The following TECTA variants were observed in gnomAD, a reference collection of about 807,000 sequenced individuals.
TECTA encodes the protein alpha-tectorin.
In TECTA, 128 loss-of-function variants were observed where a neutral mutation model predicts 216.8. The ratio of observed to expected loss-of-function variants is 0.59; its 90% CI spans 0.51 to 0.68. The LOEUF (loss-of-function observed/expected upper bound fraction) is 0.68. Among genes scored for constraint, TECTA ranks in the 30% least tolerant of loss-of-function variants. The pLI, the probability that TECTA is intolerant of heterozygous loss-of-function variation, is 0.00. For synonymous variants in TECTA, 1,089 were observed against 1,117.1 expected (o/e 0.97, Z 0.50); for missense variants, 2,551 against 2,786.2 (o/e 0.92, Z 1.90).
intron 10 of TECTA, among the ~76,000 whole-genome samples, chr11:121,133,936 A>G (rs995577841): frequency 3.3e-5 from 5 of 152,126 alleles, no homozygotes; most frequent in Admixed American, 6.5e-5. Context: ...CTGTCTGTCT[A>G]TCGGTCATCT....
chr11:121,115,567 G>GATC (rs1946493972), intron 6 of TECTA, among the ~76,000 whole-genome samples: 1 of 152,198 alleles, frequency 6.6e-6, no homozygotes, highest in Admixed American at 6.5e-5. Flanking sequence ...TATCCCCTCA[G>GATC]ATAGAAGCTT....
rs1429571980 is a variant in TECTA at position 121,113,599 on chromosome 11, G to C, written c.671G>C (p.Gly224Ala). 1 of 1,613,642 alleles carries C rather than the reference G, an allele frequency of 6.2e-7. No individual in the cohort carries two copies. Among genetic ancestry groups the C allele is most frequent in the Non-Finnish European group, 8.5e-7 (1 of 1,179,984 alleles). Residue 224 changes from glycine to alanine, a missense_variant, in exon 6 of 24, where the codon GGG becomes GCG. Transcript: ENST00000392793. The surrounding 1 kb of genome is among the most constrained non-coding windows in gnomAD (Gnocchi z 4.2). ...GNLTNFFSLP[G>A]SRTPEIVNIQ... is the part of the protein sequence containing the mutation. ...CTCACCAATTTCTTCAGCCTCCCGGGGTCAAGAACCCCCGAGATCGTGAAT... is the reference window on the plus strand; with the variant it reads ...CTCACCAATTTCTTCAGCCTCCCGGCGTCAAGAACCCCCGAGATCGTGAAT...
chr11:121,149,069 T>A (rs774205099), intron 12 of TECTA, among the ~76,000 whole-genome samples: 4 of 152,256 alleles, frequency 2.6e-5, no homozygotes, highest in Non-Finnish European at 5.9e-5. Context: ...TGGGGACTCA[T>A]GCATTTACTT....
chr11:121,162,015 G>A (rs948917614), intron 15 of TECTA, 60 bp from the exon 16 acceptor site: 4 of 1,608,338 alleles, frequency 2.5e-6, no homozygotes, highest in Non-Finnish European at 2.5e-6. Flanking sequence ...AGGTACAGAT[G>A]CAATTTACCT....
intron 20 of TECTA, among the ~76,000 whole-genome samples, chr11:121,179,470 A>G (rs1285845751): frequency 6.6e-6 from 1 of 152,142 alleles, no homozygotes; most frequent in Non-Finnish European, 1.5e-5. Context: ...CTATCTTGGA[A>G]AATATTCTGT....
intron 4 of TECTA, among the ~76,000 whole-genome samples, chr11:121,112,435 G>T (rs554062623): frequency 6.6e-6 from 1 of 152,202 alleles, no homozygotes; most frequent in Non-Finnish European, 1.5e-5. Context: ...CCGTCTTAGC[G>T]TTGGTCTGGG....
chr11:121,144,265 C>A (rs764423813), intron 11 of TECTA, among the ~76,000 whole-genome samples: 1 of 152,266 alleles, frequency 6.6e-6, no homozygotes, highest in South Asian at 2.1e-4. Context: ...AGAGGGCTTT[C>A]AGTATTGGAT....
chr11:121,149,311 G>A (rs1171594076), intron 12 of TECTA, among the ~76,000 whole-genome samples: 1 of 152,186 alleles, frequency 6.6e-6, no homozygotes, highest in Non-Finnish European at 1.5e-5. Context: ...CCTTTTATTG[G>A]AGGCAGCTGC....
At chr11:121,130,358 TCCCA>T in intron 10 of TECTA, 147 bp downstream of exon 10, 1 of 930,960 alleles carries the variant, frequency 1.1e-6, no homozygotes, top group Non-Finnish European at 1.6e-6. Context: ...TGATGTGTCC[TCCCA>T]AAGACTCATC....
chr11:121,168,358 C>T, intron 19 of TECTA, 141 bp downstream of exon 19: 1 of 1,151,456 alleles, frequency 8.7e-7, no homozygotes, highest in Non-Finnish European at 1.3e-6. Context: ...TGCTTTCAAC[C>T]AACATTGTTC....
At chr11:121,141,621 T>G (rs1176943054) in intron 11 of TECTA, among the ~76,000 whole-genome samples, 1 of 152,190 alleles carries the variant, frequency 6.6e-6, no homozygotes, top group Non-Finnish European at 1.5e-5. Context: ...CCCTCAGGCT[T>G]CATCGCAGCC....
chr11:121,103,323 G>A (rs549357413), intron 2 of TECTA, among the ~76,000 whole-genome samples: 74 of 152,236 alleles, frequency 4.9e-4, no homozygotes, highest in Middle Eastern at 3.4e-3. Context: ...GACAAAGACG[G>A]GGCGGTCTAC....
chr11:121,149,108 A>C (rs979912281), intron 12 of TECTA, among the ~76,000 whole-genome samples: 3 of 152,166 alleles, frequency 2.0e-5, no homozygotes, highest in African/African-American at 7.2e-5. Context: ...GGTAGGTACT[A>C]CTCATAGTCC....
At chr11:121,134,082 G>C (rs1239214831) in intron 10 of TECTA, among the ~76,000 whole-genome samples, 1 of 152,100 alleles carries the variant, frequency 6.6e-6, no homozygotes, top group East Asian at 1.9e-4. Flanking sequence ...GCTGGCTCCT[G>C]TGTCCCTTCA....
intron 20 of TECTA, among the ~76,000 whole-genome samples, chr11:121,175,121 G>T (rs962707344): frequency 6.6e-6 from 1 of 151,734 alleles, no homozygotes; most frequent in Non-Finnish European, 1.5e-5. Flanking sequence ...TATCAATTTT[G>T]TTGATCCTTT....
chr11:121,125,483 G>A lies in TECTA; in HGVS notation c.1385G>A (p.Gly462Glu). 1.2e-6 allele frequency: 2 copies of A among 1,614,202 alleles called. No homozygotes were observed. Among genetic ancestry groups the A allele is most frequent in the Non-Finnish European group, 1.7e-6 (2 of 1,180,052 alleles). ...ATAAACTCCACCTGTGGACTCTGTG[G>A]AAACTATAATAAAAACCCACTGGAT... ...SYINSTCGLC[G>E]NYNKNPLDDF... Residue 462 changes from glycine to glutamate, a missense_variant, in exon 8 of 24, where the codon GGA becomes GAA. This residue lies in a region of TECTA where 2,375 missense variants were observed against 2,563.9 expected (regional missense o/e 0.93). Transcript: ENST00000392793.
At chr11:121,159,857 A>G (rs771996679) in intron 14 of TECTA, among the ~76,000 whole-genome samples, 49 of 152,228 alleles carry the variant, frequency 3.2e-4, no homozygotes, top group Admixed American at 1.5e-3. Flanking sequence ...TGGGGCAACT[A>G]CACAGTAAGA....
rs1947240803 is a variant in TECTA, at chr11:121,182,590, CA to C, written c.6000-5240del. Among the ~76,000 whole-genome samples the C allele has an allele frequency of 2.0e-5, 3 of 152,160 alleles. No homozygotes were observed. In the South Asian group the frequency reaches 6.2e-4, roughly 32 times the overall value. ...GTGAGCACAGGGGTGGGCTGATCCCCAAGCCCCCGATGGTGCATGTGAGCAC... is the reference window on the plus strand; with the variant it reads ...GTGAGCACAGGGGTGGGCTGATCCCCAGCCCCCGATGGTGCATGTGAGCAC... On this transcript the variant is annotated intron_variant, in intron 20 of 23. Transcript: ENST00000392793.
At chr11:121,172,722 T>A (rs939091374) in intron 20 of TECTA, among the ~76,000 whole-genome samples, 1 of 152,092 alleles carries the variant, frequency 6.6e-6, no homozygotes, top group African/African-American at 2.4e-5. Context: ...GATGGCTGGG[T>A]CAAATGCTAT....
Sources: gnomAD v4.1 joint callset for allele counts (sites outside exome capture counted in the v4.1 genomes callset) on GRCh38, gnomAD v4.1.1 for gene constraint, gnomAD v4.1.1 regional missense constraint, Gnocchi (gnomAD v3.1) non-coding constraint, MANE v1.5 for transcripts, NCBI Gene and HGNC (gene_info 2026-07-23, HGNC 2026-07-21) for gene names.